Variants in TSPAN11 observed in about 807,000 individuals in gnomAD.
TSPAN11 encodes the protein tetraspanin 11.
In TSPAN11, 29 loss-of-function variants were observed where a neutral mutation model predicts 32.9. The observed-to-expected ratio is 0.88, with a 90% CI of 0.66 to 1.20. TSPAN11 has a LOEUF of 1.20. Ranked by LOEUF, TSPAN11 falls within the 50% of genes most tolerant of loss-of-function variation. The probability of loss-of-function intolerance (pLI) is 0.00; values close to 1 mark genes in which losing one functional copy is unlikely to be tolerated. For synonymous variants in TSPAN11, 140 were observed against 141.3 expected, an observed-to-expected ratio of 0.99 and a Z score of 0.07; for missense variants, 283 against 329.1, an observed-to-expected ratio of 0.86 and a Z score of 1.08.
At chr12:30,967,434 C>T (rs1938755680) in intron 3 of TSPAN11, among the ~76,000 whole-genome samples, 1 of 152,226 alleles carries the variant, frequency 6.6e-6, no homozygotes. Context: ...AGGCAGTGAG[C>T]CTTATCCCTC....
At chr12:31,005,382 G>A in the TSPAN11 span, among the ~76,000 whole-genome samples, 287 of 152,316 alleles carry the variant, frequency 1.9e-3, no homozygotes, top group Admixed American at 3.7e-3. Flanking sequence ...AGCAGCCTCC[G>A]CAAGGGTAGT....
rs76567877 is a variant in TSPAN11 at position 30,939,546 on chromosome 12, C to G, written c.-12+12750C>G. Among the ~76,000 whole-genome samples the G allele has an allele frequency of 2.0e-5, 3 of 152,324 alleles. No homozygotes were observed. The East Asian group carries it at 5.8e-4, about 29-fold the overall frequency. The stretch of plus-strand genomic sequence containing the variant: ...TCAAATTCAACCACATGCACGCACT[C>G]CATCTCTAACAGTTCTGCCACTTTT... On this transcript the variant is annotated intron_variant, in intron 1 of 7. Coordinates refer to ENST00000546076, the MANE Select transcript of TSPAN11 (RefSeq NM_001370302.1).
chr12:31,003,379 C>T, the TSPAN11 span, among the ~76,000 whole-genome samples: 1 of 152,180 alleles, frequency 6.6e-6, no homozygotes, highest in South Asian at 2.1e-4. Flanking sequence ...CTGCCAAGCA[C>T]TGGGTGAGCC....
intron 1 of TSPAN11, among the ~76,000 whole-genome samples, chr12:30,952,182 A>C (rs1404257371): frequency 3.3e-5 from 5 of 152,202 alleles, no homozygotes; most frequent in Non-Finnish European, 7.3e-5. Context: ...GCTCTGGGGC[A>C]GAAGTCCAGT....
At chr12:30,983,033 C>T (rs1939126591) in intron 6 of TSPAN11, 31 bp from the exon 7 acceptor site, 1 of 1,604,096 alleles carries the variant, frequency 6.2e-7, no homozygotes, top group Non-Finnish European at 8.5e-7. Flanking sequence ...GCTCCTGGGC[C>T]ATGGCCGCAT....
intron 2 of TSPAN11, among the ~76,000 whole-genome samples, chr12:30,959,939 C>T (rs1938578008): frequency 1.3e-5 from 2 of 149,620 alleles, no homozygotes; most frequent in African/African-American, 5.1e-5. Flanking sequence ...GACTTCTCAG[C>T]CGGGGGTGCC....
intron 7 of TSPAN11, 60 bp from the exon 8 acceptor site, chr12:30,991,796 G>C: frequency 6.3e-7 from 1 of 1,595,856 alleles, no homozygotes; most frequent in Admixed American, 1.7e-5. Context: ...GGGCCCTGAG[G>C]GCCGGCAGCT....
chr12:30,988,875 C>A (rs1404193535), intron 7 of TSPAN11, among the ~76,000 whole-genome samples: 3 of 152,194 alleles, frequency 2.0e-5, no homozygotes, highest in African/African-American at 4.8e-5. Context: ...ACCAGCTTCC[C>A]CTCTTGTGGG....
At chr12:30,971,751 A>C (rs1446947708) in intron 3 of TSPAN11, among the ~76,000 whole-genome samples, 1 of 137,774 alleles carries the variant, frequency 7.3e-6, no homozygotes, top group South Asian at 3.5e-4. Context: ...CCCTATCTCA[A>C]AAAAAAAAAG....
chr12:31,009,934 C>T, the TSPAN11 span, among the ~76,000 whole-genome samples: 1 of 152,194 alleles, frequency 6.6e-6, no homozygotes, highest in Non-Finnish European at 1.5e-5. Context: ...CTATTTAGTC[C>T]TCCTTCTAGC....
chr12:30,962,450 C>G (rs1007271877), intron 2 of TSPAN11, among the ~76,000 whole-genome samples: 1 of 152,246 alleles, frequency 6.6e-6, no homozygotes, highest in African/African-American at 2.4e-5. Flanking sequence ...GCCTCAATTT[C>G]CTCATCTGCA....
intron 1 of TSPAN11, among the ~76,000 whole-genome samples, chr12:30,937,035 G>T: frequency 6.6e-6 from 1 of 152,334 alleles, no homozygotes; most frequent in Non-Finnish European, 1.5e-5. Context: ...TACAATGAGA[G>T]TGGTAACATG....
At chr12:31,006,516 T>G in the TSPAN11 span, among the ~76,000 whole-genome samples, 1 of 152,282 alleles carries the variant, frequency 6.6e-6, no homozygotes, top group Admixed American at 6.5e-5. Flanking sequence ...TTGGGTCTGT[T>G]GTACTTGTGG....
intron 1 of TSPAN11, among the ~76,000 whole-genome samples, chr12:30,952,454 G>A (rs1448229790): frequency 6.6e-6 from 1 of 152,196 alleles, no homozygotes; most frequent in Admixed American, 6.5e-5. Context: ...AGAAAAATGA[G>A]TTTTGTGTTT....
chr12:30,965,926 G>A (rs1213272496), intron 3 of TSPAN11, among the ~76,000 whole-genome samples: 2 of 152,046 alleles, frequency 1.3e-5, no homozygotes, highest in Non-Finnish European at 2.9e-5. Flanking sequence ...TGACCAGCCC[G>A]TAGCCCACGG....
the TSPAN11 span, among the ~76,000 whole-genome samples, chr12:31,007,907 A>AG: frequency 6.6e-6 from 1 of 152,062 alleles, no homozygotes; most frequent in African/African-American, 2.4e-5. Context: ...ACAGCCATAG[A>AG]GGCGGGGGCC....
downstream of TSPAN11, among the ~76,000 whole-genome samples, chr12:31,000,405 G>A (rs56029772): frequency 0.05 from 7,559 of 152,270 alleles, 246 homozygotes; most frequent in Middle Eastern, 0.095. Flanking sequence ...AATTTTTTAG[G>A]GACTCATGTC....
intron 3 of TSPAN11, among the ~76,000 whole-genome samples, chr12:30,971,416 C>T (rs1262662522): frequency 1.3e-5 from 2 of 152,136 alleles, no homozygotes; most frequent in African/African-American, 2.4e-5. Flanking sequence ...ATCTGGGGCT[C>T]AGCTTGCCCG....
intron 7 of TSPAN11, 103 bp from the exon 8 acceptor site, chr12:30,991,753 C>A (rs529854131): frequency 2.4e-6 from 3 of 1,269,286 alleles, no homozygotes; most frequent in South Asian, 2.4e-5. Context: ...TTTGCCCAGG[C>A]CCCAGGGTAT....
Sources: gnomAD v4.1 joint callset for allele counts (sites outside exome capture counted in the v4.1 genomes callset) on GRCh38, gnomAD v4.1.1 for gene constraint, MANE v1.5 for transcripts, NCBI Gene and HGNC (gene_info 2026-07-23, HGNC 2026-07-21) for gene names.